Variants in LRP1B observed in about 807,000 individuals in gnomAD.
LRP1B encodes the protein low-density lipoprotein receptor-related protein 1B.
Under a neutral mutation model 556.6 loss-of-function variants are expected in LRP1B, and 217 were observed. The ratio of observed to expected loss-of-function variants is 0.39; its 90% CI spans 0.35 to 0.44. The LOEUF is 0.44. LRP1B is among the 20% of genes least tolerant of loss of function. The pLI, the probability that LRP1B is intolerant of heterozygous loss-of-function variation, is 1.00. For missense variants in LRP1B, 5,053 were observed against 5,620.8 expected (o/e 0.90, Z 3.23); for synonymous variants, 2,047 against 1,865.8 (o/e 1.10, Z -2.50).
intron 79 of LRP1B, among the ~76,000 whole-genome samples, chr2:140,328,647 C>T (rs1225307271): frequency 6.6e-6 from 1 of 151,978 alleles, no homozygotes; most frequent in Non-Finnish European, 1.5e-5. Flanking sequence ...GTAATAACCA[C>T]CAAGTGTGAA....
chr2:141,500,233 A>G (rs1233756627), intron 2 of LRP1B, among the ~76,000 whole-genome samples: 1 of 152,080 alleles, frequency 6.6e-6, no homozygotes, highest in Non-Finnish European at 1.5e-5. Flanking sequence ...ACAATTTACC[A>G]TCCCTGTAAG....
At chr2:141,773,346 C>A (rs1221009295) in intron 2 of LRP1B, among the ~76,000 whole-genome samples, 1 of 152,164 alleles carries the variant, frequency 6.6e-6, no homozygotes, top group African/African-American at 2.4e-5. Context: ...TAAACCCTTA[C>A]TGCCCTAGAT....
At chr2:140,563,582 A>G (rs1681016734) in intron 43 of LRP1B, among the ~76,000 whole-genome samples, 1 of 152,206 alleles carries the variant, frequency 6.6e-6, no homozygotes, top group African/African-American at 2.4e-5. Flanking sequence ...ATTTACACCT[A>G]CAGAACAATG....
chr2:140,770,945 T>C lies in LRP1B; in HGVS notation c.5562A>G (p.Glu1854=), dbSNP rs1469707264. The change falls in exon 34 of 91, where the codon GAA becomes GAG. Residue 1854 remains glutamate (E), a synonymous_variant. Coordinates refer to ENST00000389484, the MANE Select transcript of LRP1B (RefSeq NM_018557.3). ...CTGTACACATACAAGTCCTTGTAGT[T>C]TCAGATGTTGGTAAACAAAGTTGAG... The part of the protein sequence containing the change: ...GCSQLCLPTS[E]TTRTCMCTVG... The C allele has an allele frequency of 6.3e-7, 1 of 1,589,098 alleles. No individual in the cohort carries two copies.
At chr2:141,693,783 G>A (rs1438927006) in intron 2 of LRP1B, among the ~76,000 whole-genome samples, 1 of 151,922 alleles carries the variant, frequency 6.6e-6, no homozygotes, top group Non-Finnish European at 1.5e-5. Flanking sequence ...GTCCCCTTGG[G>A]GTTTTAGATT....
intron 7 of LRP1B, among the ~76,000 whole-genome samples, chr2:141,121,084 G>A (rs755639627): frequency 1.3e-5 from 2 of 152,000 alleles, no homozygotes; most frequent in African/African-American, 2.4e-5. Context: ...AATCTAAGCG[G>A]TGCATTTACC....
intron 18 of LRP1B, among the ~76,000 whole-genome samples, chr2:140,981,488 T>C (rs1345567708): frequency 1.3e-5 from 2 of 152,108 alleles, no homozygotes; most frequent in Non-Finnish European, 2.9e-5. Flanking sequence ...TGTGTTTCAG[T>C]AGACATTATT....
At chr2:141,762,009 A>T (rs1458758250) in intron 2 of LRP1B, among the ~76,000 whole-genome samples, 1 of 152,020 alleles carries the variant, frequency 6.6e-6, no homozygotes, top group African/African-American at 2.4e-5. Context: ...TGAAAAGAAG[A>T]TTTTCACAGC....
intron 2 of LRP1B, among the ~76,000 whole-genome samples, chr2:141,604,186 C>T (rs1427658618): frequency 6.6e-6 from 1 of 152,040 alleles, no homozygotes; most frequent in African/African-American, 2.4e-5. Context: ...ACTAAAGCAG[C>T]AAATCTTTAC....
intron 7 of LRP1B, among the ~76,000 whole-genome samples, chr2:141,117,748 T>C (rs986407701): frequency 2.6e-5 from 4 of 152,150 alleles, no homozygotes; most frequent in African/African-American, 9.6e-5. Context: ...TTAGCAGCAT[T>C]TTTAACCAAA....
chr2:141,392,944 A>C (rs926854735), intron 3 of LRP1B, among the ~76,000 whole-genome samples: 1 of 152,206 alleles, frequency 6.6e-6, no homozygotes, highest in Non-Finnish European at 1.5e-5. Context: ...GAAGCACTGT[A>C]GTCCCGCTGA....
chr2:141,132,732 A>T (rs1701390543), intron 7 of LRP1B, among the ~76,000 whole-genome samples: 1 of 151,834 alleles, frequency 6.6e-6, no homozygotes, highest in African/African-American at 2.4e-5. Context: ...AAAAGTCTTA[A>T]CTCTATATAT....
intron 1 of LRP1B, among the ~76,000 whole-genome samples, chr2:141,967,430 G>A (rs1234787372): frequency 2.6e-5 from 4 of 151,862 alleles, no homozygotes; most frequent in African/African-American, 4.8e-5. Flanking sequence ...ATCAAGAGGA[G>A]TTACTGGATG....
At chr2:140,942,339 G>A (rs1165067972) in intron 20 of LRP1B, among the ~76,000 whole-genome samples, 2 of 152,100 alleles carry the variant, frequency 1.3e-5, no homozygotes, top group Non-Finnish European at 2.9e-5. Flanking sequence ...AGGGAGACAG[G>A]AAGATTAAGC....
chr2:140,639,826 A>G (rs1009978112), intron 41 of LRP1B, among the ~76,000 whole-genome samples: 1 of 150,238 alleles, frequency 6.7e-6, no homozygotes, highest in African/African-American at 2.4e-5. Context: ...GACCTAATCA[A>G]CTCTCACTTC....
At chr2:141,729,936 T>C (rs944921074) in intron 2 of LRP1B, among the ~76,000 whole-genome samples, 8 of 152,126 alleles carry the variant, frequency 5.3e-5, no homozygotes, top group African/African-American at 2.4e-5. Context: ...AGTTGTGTTA[T>C]TTCACAGAAT....
intron 1 of LRP1B, among the ~76,000 whole-genome samples, chr2:142,115,250 A>T (rs971594699): frequency 6.6e-6 from 1 of 151,074 alleles, no homozygotes; most frequent in Admixed American, 6.7e-5. Context: ...AACAGAGAAA[A>T]AAAAATACAA....
At chr2:141,566,156 G>GAA (rs748669440) in intron 2 of LRP1B, among the ~76,000 whole-genome samples, 4,118 of 142,178 alleles carry the variant, frequency 0.029, 213 homozygotes, top group African/African-American at 0.097. Context: ...CACATTTCAG[G>GAA]AAAAAAAAAA....
At chr2:141,623,685 G>T (rs1490581344) in intron 2 of LRP1B, among the ~76,000 whole-genome samples, 1 of 151,776 alleles carries the variant, frequency 6.6e-6, no homozygotes, top group African/African-American at 2.4e-5. Flanking sequence ...CTTCACCGGG[G>T]CAACATAGAG....
Sources: allele counts gnomAD v4.1 joint callset (sites outside exome capture counted in the v4.1 genomes callset), GRCh38; gene constraint gnomAD v4.1.1; transcripts MANE v1.5; gene names NCBI Gene and HGNC (gene_info 2026-07-23, HGNC 2026-07-21).